The following MUSTN1 variants were observed in gnomAD, a reference collection of about 807,000 sequenced individuals.
The protein encoded by MUSTN1 is musculoskeletal embryonic nuclear protein 1.
Under a neutral mutation model 11.8 loss-of-function variants are expected in MUSTN1, and 14 were observed. The ratio of observed to expected loss-of-function variants is 1.18; its 90% CI spans 0.78 to 1.85. The LOEUF is 1.85. Among genes scored for constraint, MUSTN1 ranks in the 40% most tolerant of loss-of-function variants. The pLI, the probability that MUSTN1 is intolerant of heterozygous loss-of-function variation, is 0.00. For synonymous variants in MUSTN1, 42 were observed against 43.3 expected (o/e 0.97, Z 0.12); for missense variants, 111 against 108.8 (o/e 1.02, Z -0.09).
At chr3:52,834,672 A>ACACACAGG (rs1700666671) in intron 1 of MUSTN1, 1 of 616,922 alleles carries the variant, frequency 1.6e-6, no homozygotes, top group Non-Finnish European at 2.9e-6. Context: ...ACACACACAC[A>ACACACAGG]CACAGGCACA....
rs376293103 is a variant in MUSTN1 at position 52,833,605 on chromosome 3, G to A, written c.142+12C>T. The A allele has an allele frequency of 1.4e-5, 23 of 1,610,326 alleles. No homozygotes were observed. In the East Asian group the frequency reaches 4.2e-4, roughly 30 times the overall value. ...CCCCATCCCCAGCCCCAGATGGCATGAGGACACTCACCACACTCTCGCATG... is the reference window on the plus strand; with the variant it reads ...CCCCATCCCCAGCCCCAGATGGCATAAGGACACTCACCACACTCTCGCATG... On this transcript the variant is annotated intron_variant, in intron 2 of 2. Coordinates refer to ENST00000446157, the MANE Select transcript of MUSTN1 (RefSeq NM_205853.4).
intron 2 of MUSTN1, 22 bp downstream of exon 2, chr3:52,833,595 C>T: frequency 6.2e-7 from 1 of 1,609,178 alleles, no homozygotes; most frequent in Non-Finnish European, 8.5e-7. Flanking sequence ...TCCCCAGCCC[C>T]AGATGGCATG....
rs142683226 is a variant in MUSTN1, at chr3:52,834,427, G to A, written c.9+513C>T. On this transcript the variant is annotated intron_variant, in intron 1 of 2. Coordinates refer to ENST00000446157, the MANE Select transcript of MUSTN1 (RefSeq NM_205853.4). Reference sequence around the variant, plus strand: ...GTGCAGGTATTTCCTCGCTCAGCCTGGGCCAGGCTCCTCAGAGCAACACAC... The same window carrying A: ...GTGCAGGTATTTCCTCGCTCAGCCTAGGCCAGGCTCCTCAGAGCAACACAC... Among the ~76,000 whole-genome samples, 23 of 152,206 alleles carry A rather than the reference G, an allele frequency of 1.5e-4. No individual in the cohort carries two copies. The East Asian group carries it at 2.7e-3, about 18-fold the overall frequency.
chr3:52,834,874 G>C, intron 1 of MUSTN1, 66 bp downstream of exon 1: 2 of 1,589,572 alleles, frequency 1.3e-6, no homozygotes, highest in Non-Finnish European at 1.7e-6. Context: ...TGCCAGAGCC[G>C]AAAGTGTCCA....
In MUSTN1 at chr3:52,833,155, G is replaced by T; in HGVS notation, c.*169C>A. The T allele has an allele frequency of 1.0e-6, 1 of 999,568 alleles. No homozygotes were observed. Among genetic ancestry groups the T allele is most frequent in the Non-Finnish European group, 1.5e-6 (1 of 653,900 alleles). 61.9% of individuals were successfully genotyped at this position (999,568 alleles called of 1,614,324 possible). A position where few individuals can be genotyped will look rare whatever the true frequency, so the allele number is the denominator to read the frequency against. ...CCACGTGGGCATCCTCTTTATTGGT[G>T]CTTCCAAGGTGCTGGTGCAGAGCCC... On this transcript the variant is annotated 3_prime_UTR_variant, in exon 3 of 3. Coordinates refer to ENST00000446157, the MANE Select transcript of MUSTN1 (RefSeq NM_205853.4).
In MUSTN1 at chr3:52,834,879, T is replaced by C. The variant is rs115737689; in HGVS notation, c.9+61A>G. ...AAGACACAGCTGCCAGAGCCGAAAG[T>C]GTCCAGGACTCCACCTCCACTCCCT... On this transcript the variant is annotated intron_variant, in intron 1 of 2. Coordinates refer to ENST00000446157, the MANE Select transcript of MUSTN1 (RefSeq NM_205853.4). 1,819 of 1,597,126 alleles carry C rather than the reference T, an allele frequency of 1.1e-3. 20 individuals are homozygous for C. The African/African-American group carries it at 0.022, about 19-fold the overall frequency.
chr3:52,833,644 T>C lies in MUSTN1; in HGVS notation c.115A>G (p.Lys39Glu), dbSNP rs770205101. The C allele has an allele frequency of 6.2e-6, 10 of 1,609,960 alleles. No individual in the cohort carries two copies. The highest frequency in any genetic ancestry group is 1.1e-5 in the South Asian group (1 of 89,984). ...CACTCTCGCATGACCTGGTAGGTCT[T>C]GGACTTGATTTCCTGGTTCTTGGTC... The part of the protein sequence containing the change: ...NLTKNQEIKS[K>E]TYQVMRECEQ... Residue 39 changes from lysine (K) to glutamate (E), a missense_variant, in exon 2 of 3, where the codon AAG (lysine) becomes GAG (glutamate). By Grantham distance (56) the Lys-to-Glu change is moderately conservative (BLOSUM62 1). Coordinates refer to ENST00000446157, the MANE Select transcript of MUSTN1 (RefSeq NM_205853.4).
In MUSTN1 at chr3:52,833,701, C is replaced by G; in HGVS notation, c.58G>C (p.Asp20His). Residue 20 changes from aspartate (D) to histidine (H), a missense_variant, in exon 2 of 3, where the codon GAC (aspartate) becomes CAC (histidine). Transcript: ENST00000446157. ...PIKKKRPPVK[D>H]EDLKGARGNL... is the part of the protein sequence containing the mutation. The stretch of plus-strand genomic sequence containing the variant: ...CCTCGGGCCCCCTTCAGGTCCTCGT[C>G]CTTCACAGGGGGGCGCTTCTTCTTG... The G allele has an allele frequency of 2.5e-6, 4 of 1,592,858 alleles. No individual in the cohort carries two copies. The highest frequency in any genetic ancestry group is 1.3e-5 in the African/African-American group (1 of 74,530).
Position 52,835,005 on chromosome 3 carries a change from T to C in MUSTN1, c.-57A>G. On this transcript the variant is annotated 5_prime_UTR_variant, in exon 1 of 3. Transcript: ENST00000446157. ...AGGCGCCTCTCTGGCAGGCAGCAGC[T>C]GCTGGAAAAGATCTGAGTGGAGCCC... 1 of 1,609,996 alleles carries C rather than the reference T, an allele frequency of 6.2e-7. No homozygotes were observed. The highest frequency in any genetic ancestry group is 8.5e-7 in the Non-Finnish European group (1 of 1,178,200).
At position 52,833,185 on chromosome 3, in the gene MUSTN1, C is replaced by A; in HGVS notation, c.*139G>T. 1 of 1,295,440 alleles carries A rather than the reference C, an allele frequency of 7.7e-7. No homozygotes were observed. 80.2% of individuals were successfully genotyped at this position (1,295,440 alleles called of 1,614,324 possible). On this transcript the variant is annotated 3_prime_UTR_variant, in exon 3 of 3. Coordinates refer to ENST00000446157, the MANE Select transcript of MUSTN1 (RefSeq NM_205853.4). ...CAAGGTGCTGGTGCAGAGCCCTTGG[C>A]TGAAGGGCCTGGACTGTGGGGGAGG...
intron 1 of MUSTN1, 56 bp from the exon 2 acceptor site, chr3:52,833,805 C>T (rs1700643659): frequency 1.3e-6 from 2 of 1,545,278 alleles, no homozygotes; most frequent in African/African-American, 1.4e-5. Flanking sequence ...AAAGGCACAC[C>T]TACCTCTGTG....
chr3:52,834,703 C>T (rs1700667669), intron 1 of MUSTN1: 3 of 651,422 alleles, frequency 4.6e-6, no homozygotes, highest in Admixed American at 2.4e-5. Context: ...TATCTAGGCC[C>T]CCCCCACCCC....
In MUSTN1 at chr3:52,833,133, C is replaced by T. The variant is rs755002953; in HGVS notation, c.*191G>A. The T allele has an allele frequency of 7.8e-5, 65 of 831,172 alleles. No homozygotes were observed. The East Asian group carries it at 1.6e-3, about 21-fold the overall frequency. 51.5% of individuals were successfully genotyped at this position (831,172 alleles called of 1,614,324 possible). A position where few individuals can be genotyped will look rare whatever the true frequency, so the allele number is the denominator to read the frequency against. On this transcript the variant is annotated 3_prime_UTR_variant, in exon 3 of 3. Transcript: ENST00000446157. Reference sequence around the variant, plus strand: ...CAACACCTTCTGATTGCTGGGGCCACGTGGGCATCCTCTTTATTGGTGCTT... The same window carrying T: ...CAACACCTTCTGATTGCTGGGGCCATGTGGGCATCCTCTTTATTGGTGCTT...
chr3:52,833,573 C>G (rs374819722), intron 2 of MUSTN1, 44 bp downstream of exon 2: 4 of 1,603,796 alleles, frequency 2.5e-6, no homozygotes, highest in Non-Finnish European at 3.4e-6. Context: ...CTGACACACA[C>G]CTGCACCCCC....
At position 52,833,408 on chromosome 3, in the gene MUSTN1, CG is replaced by C; in HGVS notation, c.164del (p.Pro55ArgfsTer?). The C allele has an allele frequency of 6.2e-7, 1 of 1,613,238 alleles. No individual in the cohort carries two copies. Among genetic ancestry groups the C allele is most frequent in the Non-Finnish European group, 8.5e-7 (1 of 1,179,402 alleles). On this transcript the variant is annotated frameshift_variant, in exon 3 of 3. Coordinates refer to ENST00000446157, the MANE Select transcript of MUSTN1 (RefSeq NM_205853.4). LOFTEE classifies it high-confidence loss of function. ...CTGTGCGGGTGCGGCTGAACACCGA[CG>C]GGGCGGCCGAGCCAGCTTGCTCTGT... The part of the protein sequence containing the change: ...RECEQAGSAA[P>X]SVFSRTRTGT...
chr3:52,834,852 T>A, intron 1 of MUSTN1, 88 bp downstream of exon 1: 1 of 1,508,710 alleles, frequency 6.6e-7, no homozygotes, highest in South Asian at 1.2e-5. Flanking sequence ...GGGGCTCAGA[T>A]CAAGACACAG....
chr3:52,834,265 G>A (rs1700653042), intron 1 of MUSTN1, among the ~76,000 whole-genome samples: 1 of 152,204 alleles, frequency 6.6e-6, no homozygotes, highest in Non-Finnish European at 1.5e-5. Context: ...CACCCACAGA[G>A]CAGGCAGCAA....
intron 2 of MUSTN1, 88 bp downstream of exon 2, chr3:52,833,529 T>C (rs1700635167): frequency 1.3e-6 from 2 of 1,583,980 alleles, no homozygotes; most frequent in African/African-American, 1.3e-5. Context: ...TACTGGATTC[T>C]CAGAAAAGGA....
chr3:52,833,578 A>C, intron 2 of MUSTN1, 39 bp downstream of exon 2: 1 of 1,604,536 alleles, frequency 6.2e-7, no homozygotes, highest in South Asian at 1.1e-5. Flanking sequence ...ACACACCTGC[A>C]CCCCCATCCC....
Sources: allele counts gnomAD v4.1 joint callset (sites outside exome capture counted in the v4.1 genomes callset), GRCh38; gene constraint gnomAD v4.1.1; transcripts MANE v1.5; gene names NCBI Gene and HGNC (gene_info 2026-07-23, HGNC 2026-07-21).